AMPH: variants seen among roughly 807,000 people sequenced by gnomAD.
AMPH encodes amphiphysin (Stiff-Mann syndrome with breast cancer 128kD autoantigen).
AMPH carries 49 observed loss-of-function variants against 99.1 expected under a neutral mutation model. That is an observed-to-expected ratio of 0.49 (90% confidence interval 0.39 to 0.63). AMPH has a LOEUF of 0.63. Among genes scored for constraint, AMPH ranks in the 20% least tolerant of loss-of-function variants. The pLI is 0.00. For synonymous variants in AMPH, 314 were observed against 317.3 expected, an observed-to-expected ratio of 0.99 and a Z score of 0.11; for missense variants, 759 against 863.4, an observed-to-expected ratio of 0.88 and a Z score of 1.52.
At chr7:38,624,281 CAATTATATAAT>C (rs1034478250) in intron 1 of AMPH, among the ~76,000 whole-genome samples, 36 of 149,516 alleles carry the variant, frequency 2.4e-4, no homozygotes, top group African/African-American at 9.0e-4. Flanking sequence ...GCACCTAAGA[CAATTATATAAT>C]AATCACTTGG....
intron 2 of AMPH, among the ~76,000 whole-genome samples, chr7:38,511,043 C>A (rs757403306): frequency 1.4e-4 from 22 of 152,094 alleles, no homozygotes; most frequent in Non-Finnish European, 8.8e-5. Context: ...CTTAATCTCT[C>A]TAGGCCTCCG....
intron 17 of AMPH, among the ~76,000 whole-genome samples, chr7:38,400,068 T>C (rs964787472): frequency 1.3e-5 from 2 of 152,146 alleles, no homozygotes; most frequent in Non-Finnish European, 2.9e-5. Context: ...CTCATTGCTT[T>C]CTTTTTTCTT....
At chr7:38,515,857 A>G (rs148622534) in intron 2 of AMPH, among the ~76,000 whole-genome samples, 2,543 of 152,334 alleles carry the variant, frequency 0.017, 67 homozygotes, top group African/African-American at 0.058. Context: ...TGAGGAACTT[A>G]TTAGGAACTG....
chr7:38,588,489 T>C (rs1303445589), intron 1 of AMPH, among the ~76,000 whole-genome samples: 1 of 152,160 alleles, frequency 6.6e-6, no homozygotes, highest in Non-Finnish European at 1.5e-5. Context: ...GGTGAACTGA[T>C]CTGGGAAAAC....
At chr7:38,525,277 T>TATAGAGAGAGAGAGAG (rs1481528083) in intron 2 of AMPH, among the ~76,000 whole-genome samples, 1 of 86,654 alleles carries the variant, frequency 1.2e-5, no homozygotes, top group Non-Finnish European at 2.2e-5. Flanking sequence ...TATATATATA[T>TATAGAGAGAGAGAGAG]AGAGAGAGAG....
Position 38,594,023 on chromosome 7 carries a change from G to A in AMPH, c.69+37260C>T, listed in dbSNP as rs922512132. On this transcript the variant is annotated intron_variant, in intron 1 of 20. Transcript: ENST00000356264. ...CAACCGGGGCTTTGAGAGGAGGCCT[G>A]ACAAGCTCTTGGCGTTAGCATGCTG... Among the ~76,000 whole-genome samples, 18 of 152,286 alleles carry A rather than the reference G, an allele frequency of 1.2e-4. 1 individual carries two copies. Among genetic ancestry groups the A allele is most frequent in the Middle Eastern group, 3.4e-3 (1 of 294 alleles).
intron 14 of AMPH, chr7:38,428,578 T>C (rs1463161191): frequency 6.6e-6 from 3 of 456,712 alleles, no homozygotes; most frequent in Non-Finnish European, 4.4e-6. Context: ...ATATCATGGT[T>C]GGGAGTGTCT....
At chr7:38,433,521 C>CCCGT (rs1786122785) in intron 12 of AMPH, among the ~76,000 whole-genome samples, 1 of 151,164 alleles carries the variant, frequency 6.6e-6, no homozygotes, top group Non-Finnish European at 1.5e-5. Context: ...GTCAGGAGAT[C>CCCGT]GAGACCATCC....
rs377602219 is a variant in AMPH at position 38,592,493 on chromosome 7, A to T, written c.69+38790T>A. 1.6e-4 allele frequency among the ~76,000 whole-genome samples: 24 copies of T among 152,296 alleles called. 1 individual carries two copies. The Middle Eastern group carries it at 0.024, about 151-fold the overall frequency. On this transcript the variant is annotated intron_variant, in intron 1 of 20. Transcript: ENST00000356264. Reference sequence around the variant, plus strand: ...AAGCCTGTAATGTCAGCACTTCGGGAGGCCAAGGTGGGTGGATCACCTGAG... The same window carrying T: ...AAGCCTGTAATGTCAGCACTTCGGGTGGCCAAGGTGGGTGGATCACCTGAG...
rs1257921435 is a variant in AMPH at position 38,436,266 on chromosome 7, T to A, written c.1134+6A>T. The A allele has an allele frequency of 6.2e-7, 1 of 1,610,150 alleles. No homozygotes were observed. Among genetic ancestry groups the A allele is most frequent in the Non-Finnish European group, 8.5e-7 (1 of 1,176,502 alleles). On this transcript the variant is annotated splice_donor_region_variant and intron_variant, in intron 12 of 20. Coordinates refer to ENST00000356264, the MANE Select transcript of AMPH (RefSeq NM_001635.4). ...TATCTCCAAACATCCAAAAAGCACC[T>A]GATACCTGAGACATGGGTGAGTGGG...
At chr7:38,610,795 A>G (rs983096324) in intron 1 of AMPH, among the ~76,000 whole-genome samples, 1 of 152,214 alleles carries the variant, frequency 6.6e-6, no homozygotes, top group Non-Finnish European at 1.5e-5. Context: ...TAACATAGCA[A>G]ACAAAAAAAA....
chr7:38,522,291 G>T (rs1789996027), intron 2 of AMPH, among the ~76,000 whole-genome samples: 1 of 152,098 alleles, frequency 6.6e-6, no homozygotes, highest in African/African-American at 2.4e-5. Flanking sequence ...TTATCCTTTA[G>T]TACACTTATA....
intron 11 of AMPH, among the ~76,000 whole-genome samples, chr7:38,441,752 T>TATATCTATC (rs1562757296): frequency 2.2e-5 from 2 of 89,192 alleles, no homozygotes; most frequent in African/African-American, 9.1e-5. Flanking sequence ...AGATATATCA[T>TATATCTATC]ATATATATCA....
At chr7:38,552,363 C>A (rs776222816) in intron 1 of AMPH, among the ~76,000 whole-genome samples, 26 of 152,304 alleles carry the variant, frequency 1.7e-4, no homozygotes, top group Non-Finnish European at 3.2e-4. Flanking sequence ...TGGATGAGCA[C>A]CAGAACTGCT....
Position 38,491,287 on chromosome 7 carries a change from A to T in AMPH, c.301-142T>A, listed in dbSNP as rs532224866. Reference sequence around the variant, plus strand: ...GCTAGGGGAAAAATGAGAATCATTTAATAATGCAATAAAATTTTAAGGCAA... The same window carrying T: ...GCTAGGGGAAAAATGAGAATCATTTTATAATGCAATAAAATTTTAAGGCAA... On this transcript the variant is annotated intron_variant, in intron 4 of 20. Coordinates refer to ENST00000356264, the MANE Select transcript of AMPH (RefSeq NM_001635.4). The T allele has an allele frequency of 8.7e-5, 53 of 610,126 alleles. No individual in the cohort carries two copies. The African/African-American group carries it at 9.5e-4, about 11-fold the overall frequency. The allele number at this position is 610,126 out of a possible 1,614,324, so 37.8% of individuals were successfully genotyped here. A position where few individuals can be genotyped will look rare whatever the true frequency, so the allele number is the denominator to read the frequency against.
intron 17 of AMPH, among the ~76,000 whole-genome samples, chr7:38,401,135 C>G (rs780387998): frequency 6.6e-6 from 1 of 152,022 alleles, no homozygotes; most frequent in Non-Finnish European, 1.5e-5. Flanking sequence ...GCATTAAACA[C>G]TAGTTGGTTT....
chr7:38,417,448 A>T (rs2128987011), intron 17 of AMPH, among the ~76,000 whole-genome samples: 1 of 152,354 alleles, frequency 6.6e-6, no homozygotes. Context: ...TAAGTAATCA[A>T]TATGTACACA....
chr7:38,564,581 A>C (rs551111829), intron 1 of AMPH, among the ~76,000 whole-genome samples: 2 of 152,332 alleles, frequency 1.3e-5, no homozygotes, highest in East Asian at 3.9e-4. Flanking sequence ...AAAGGACAGC[A>C]CAAAACCAGG....
At chr7:38,546,696 T>C (rs996007557) in intron 1 of AMPH, among the ~76,000 whole-genome samples, 6 of 152,202 alleles carry the variant, frequency 3.9e-5, no homozygotes, top group East Asian at 1.9e-4. Flanking sequence ...AATGACTGCA[T>C]GATAGATGGG....
Sources: gnomAD v4.1 joint callset for allele counts (sites outside exome capture counted in the v4.1 genomes callset) on GRCh38, gnomAD v4.1.1 for gene constraint, MANE v1.5 for transcripts, NCBI Gene and HGNC (gene_info 2026-07-23, HGNC 2026-07-21) for gene names.